PALLD: variants seen among roughly 807,000 people sequenced by gnomAD.
The protein encoded by PALLD is palladin, cytoskeletal associated protein, also known as palladin.
Under a neutral mutation model 123.5 loss-of-function variants are expected in PALLD, and 61 were observed. The observed-to-expected ratio is 0.49, with a 90% CI of 0.40 to 0.61. The LOEUF (loss-of-function observed/expected upper bound fraction) is 0.61. PALLD is among the 20% of genes least tolerant of loss of function. The probability of loss-of-function intolerance (pLI) is 0.00; values close to 1 mark genes in which losing one functional copy is unlikely to be tolerated. For synonymous variants in PALLD, 465 were observed against 496.4 expected, an observed-to-expected ratio of 0.94 and a Z score of 0.84; for missense variants, 1,273 against 1,377.0, an observed-to-expected ratio of 0.92 and a Z score of 1.20.
intron 10 of PALLD, among the ~76,000 whole-genome samples, chr4:168,800,977 C>A (rs959212539): frequency 1.3e-5 from 2 of 152,126 alleles, no homozygotes; most frequent in Admixed American, 1.3e-4. Flanking sequence ...ATAAATCTTA[C>A]ACACATAATA....
intron 8 of PALLD, among the ~76,000 whole-genome samples, chr4:168,698,794 C>T (rs2150151059): frequency 6.6e-6 from 1 of 152,212 alleles, no homozygotes; most frequent in East Asian, 1.9e-4. Flanking sequence ...AAGATTTGTG[C>T]TCACTACTTA....
intron 15 of PALLD, among the ~76,000 whole-genome samples, chr4:168,906,909 T>G (rs1244515095): frequency 1.3e-5 from 2 of 152,194 alleles, no homozygotes; most frequent in Non-Finnish European, 2.9e-5. Flanking sequence ...AAAAGAAATG[T>G]TACTACAAAT....
At chr4:168,713,297 T>G (rs1425535085) in intron 10 of PALLD, among the ~76,000 whole-genome samples, 1 of 152,184 alleles carries the variant, frequency 6.6e-6, no homozygotes, top group African/African-American at 2.4e-5. Flanking sequence ...TAAAAGAGAT[T>G]TATGCTCTTG....
At chr4:168,731,452 A>T (rs555431238) in intron 10 of PALLD, among the ~76,000 whole-genome samples, 1 of 152,332 alleles carries the variant, frequency 6.6e-6, no homozygotes, top group South Asian at 2.1e-4. Flanking sequence ...CCTCTTCATT[A>T]AGAGGGAATC....
chr4:168,913,878 G>A (rs762834281), intron 15 of PALLD, 49 bp from the exon 16 acceptor site: 62 of 1,214,240 alleles, frequency 5.1e-5, no homozygotes, highest in Non-Finnish European at 7.5e-5. Context: ...AGTGCTTAGT[G>A]GTTAATAGTT....
intron 2 of PALLD, among the ~76,000 whole-genome samples, chr4:168,647,503 C>T (rs576964133): frequency 2.6e-5 from 4 of 152,148 alleles, no homozygotes; most frequent in Middle Eastern, 3.4e-3. Context: ...GGCATGTGGC[C>T]GGGCGTGTAG....
At chr4:168,636,735 A>AT (rs1388768507) in intron 2 of PALLD, among the ~76,000 whole-genome samples, 1 of 152,194 alleles carries the variant, frequency 6.6e-6, no homozygotes, top group African/African-American at 2.4e-5. Flanking sequence ...TATCTAAACT[A>AT]TTTTGAAAAG....
chr4:168,764,310 AT>A (rs1733359732), intron 10 of PALLD, among the ~76,000 whole-genome samples: 2 of 152,142 alleles, frequency 1.3e-5, no homozygotes, highest in Admixed American at 1.3e-4. Flanking sequence ...TAAGTAATGT[AT>A]TTCTATATTA....
At chr4:168,643,743 C>T (rs962873624) in intron 2 of PALLD, among the ~76,000 whole-genome samples, 6 of 152,160 alleles carry the variant, frequency 3.9e-5, no homozygotes, top group East Asian at 1.9e-4. Context: ...TTTAGTTTCT[C>T]CTAAAGATCA....
At chr4:168,742,608 A>G (rs1471361681) in intron 10 of PALLD, among the ~76,000 whole-genome samples, 1 of 152,188 alleles carries the variant, frequency 6.6e-6, no homozygotes, top group Non-Finnish European at 1.5e-5. Context: ...TCCAGATACT[A>G]AGTTATTAGA....
intron 2 of PALLD, among the ~76,000 whole-genome samples, chr4:168,512,760 T>C (rs1222681795): frequency 6.6e-6 from 1 of 152,184 alleles, no homozygotes; most frequent in East Asian, 1.9e-4. Context: ...TGTGTGTATA[T>C]TTGAATATGA....
At chr4:168,889,226 C>T (rs571197022) in intron 10 of PALLD, among the ~76,000 whole-genome samples, 1 of 146,588 alleles carries the variant, frequency 6.8e-6, no homozygotes, top group East Asian at 2.0e-4. Context: ...TGCAGTGGTG[C>T]GACCTCGGCT....
chr4:168,911,998 G>A (rs1245004317), intron 15 of PALLD, among the ~76,000 whole-genome samples: 2 of 151,906 alleles, frequency 1.3e-5, no homozygotes, highest in African/African-American at 2.4e-5. Flanking sequence ...TGCCTTTTCT[G>A]GGTGGTTATA....
intron 8 of PALLD, among the ~76,000 whole-genome samples, chr4:168,693,151 A>G (rs1782797025): frequency 6.8e-6 from 1 of 147,800 alleles, no homozygotes; most frequent in Non-Finnish European, 1.5e-5. Flanking sequence ...CTTCTGTTTC[A>G]CATCTACCCT....
At chr4:168,865,552 T>C (rs1341967696) in intron 10 of PALLD, among the ~76,000 whole-genome samples, 1 of 152,232 alleles carries the variant, frequency 6.6e-6, no homozygotes, top group African/African-American at 2.4e-5. Context: ...GAAAATGTTA[T>C]TGGCAACATT....
intron 3 of PALLD, among the ~76,000 whole-genome samples, chr4:168,672,550 C>T (rs1001878289): frequency 2.0e-5 from 3 of 151,994 alleles, no homozygotes; most frequent in African/African-American, 7.3e-5. Context: ...GCTCTGCCTT[C>T]CGGGTTCACG....
intron 2 of PALLD, among the ~76,000 whole-genome samples, chr4:168,662,562 T>C (rs1256729928): frequency 6.6e-6 from 1 of 152,232 alleles, no homozygotes; most frequent in Non-Finnish European, 1.5e-5. Context: ...GCCTGTGCCA[T>C]GCATTTACCA....
intron 10 of PALLD, among the ~76,000 whole-genome samples, chr4:168,731,592 A>G (rs1045848727): frequency 2.6e-5 from 4 of 152,280 alleles, no homozygotes; most frequent in African/African-American, 7.2e-5. Context: ...AATGTTCACA[A>G]TGAATCCTTT....
At chr4:168,606,779 C>G (rs1773227332) in intron 2 of PALLD, among the ~76,000 whole-genome samples, 1 of 152,102 alleles carries the variant, frequency 6.6e-6, no homozygotes, top group African/African-American at 2.4e-5. Flanking sequence ...AGTCTAGTGT[C>G]CCCTTTGAAT....
Sources: gnomAD v4.1 joint callset for allele counts (sites outside exome capture counted in the v4.1 genomes callset) on GRCh38, gnomAD v4.1.1 for gene constraint, MANE v1.5 for transcripts, NCBI Gene and HGNC (gene_info 2026-07-23, HGNC 2026-07-21) for gene names.